The following GPBP1 variants were observed in gnomAD, a reference collection of about 807,000 sequenced individuals.
GPBP1 encodes vasculin.
Under a neutral mutation model 56.5 loss-of-function variants are expected in GPBP1, and 13 were observed. The observed-to-expected ratio is 0.23, with a 90% CI of 0.15 to 0.37. The LOEUF is 0.37. Ranked by LOEUF, GPBP1 falls within the 10% of genes least tolerant of loss-of-function variation. The pLI, the probability that GPBP1 is intolerant of heterozygous loss-of-function variation, is 1.00. For missense variants in GPBP1, 477 were observed against 572.3 expected, an observed-to-expected ratio of 0.83 and a Z score of 1.70; for synonymous variants, 204 against 188.9, an observed-to-expected ratio of 1.08 and a Z score of -0.66.
intron 10 of GPBP1, among the ~76,000 whole-genome samples, chr5:57,255,160 A>T (rs1457360089): frequency 6.6e-6 from 1 of 152,100 alleles, no homozygotes; most frequent in Non-Finnish European, 1.5e-5. Context: ...TTTTCCTGTG[A>T]TCAAGATTTA....
intron 3 of GPBP1, among the ~76,000 whole-genome samples, chr5:57,224,398 A>G (rs190311382): frequency 6.3e-4 from 95 of 151,312 alleles, no homozygotes; most frequent in African/African-American, 2.3e-3. Context: ...AGATGCCACC[A>G]TGCCCGGCTA....
At chr5:57,184,123 T>A (rs1168343248) in intron 2 of GPBP1, among the ~76,000 whole-genome samples, 1 of 151,920 alleles carries the variant, frequency 6.6e-6, no homozygotes, top group South Asian at 2.1e-4. Flanking sequence ...TCCCAGCTAC[T>A]TGGGAGGCTG....
intron 2 of GPBP1, among the ~76,000 whole-genome samples, chr5:57,178,321 C>T (rs1753887884): frequency 6.6e-6 from 1 of 152,174 alleles, no homozygotes; most frequent in South Asian, 2.1e-4. Context: ...AGTCTCGGCT[C>T]ACTGCAACCT....
At chr5:57,250,827 G>A (rs1741349489) in intron 9 of GPBP1, 127 bp from the exon 10 acceptor site, 2 of 637,940 alleles carry the variant, frequency 3.1e-6, no homozygotes, top group Non-Finnish European at 5.1e-6. Context: ...TTACAGGGGT[G>A]AGCCACTGCG....
At position 57,263,591 on chromosome 5, in the gene GPBP1, T is replaced by C. The variant is rs550583495; in HGVS notation, c.*839T>C. On this transcript the variant is annotated 3_prime_UTR_variant, in exon 12 of 12. Coordinates refer to ENST00000506184, the MANE Select transcript of GPBP1 (RefSeq NM_022913.4). ...AATAAACTGGATTTTCAGAATATTGTTGTTTTCTGTAGTGTTCAAGGTATT... is the reference window on the plus strand; with the variant it reads ...AATAAACTGGATTTTCAGAATATTGCTGTTTTCTGTAGTGTTCAAGGTATT... The C allele has an allele frequency of 6.6e-6, 1 of 152,330 alleles. No homozygotes were observed. The highest frequency in any genetic ancestry group is 1.5e-5 in the Non-Finnish European group (1 of 68,014). The allele number at this position is 152,330 out of a possible 1,614,324, so 9.4% of individuals were successfully genotyped here.
rs183838365 is a variant in GPBP1 at position 57,242,884 on chromosome 5, G to A, written c.479-3416G>A. The stretch of plus-strand genomic sequence containing the variant: ...TCTGCCTCGGCCTCCCGAGTAGCCG[G>A]GATTAGAGAGGCCTGCCACCACACC... On this transcript the variant is annotated intron_variant, in intron 6 of 11. Coordinates refer to ENST00000506184, the MANE Select transcript of GPBP1 (RefSeq NM_022913.4). Among the ~76,000 whole-genome samples the A allele has an allele frequency of 3.3e-3, 500 of 151,740 alleles. 2 individuals carry two copies. Among genetic ancestry groups the A allele is most frequent in the Non-Finnish European group, 5.2e-3 (354 of 67,962 alleles).
At chr5:57,191,116 T>C (rs1754507315) in intron 2 of GPBP1, among the ~76,000 whole-genome samples, 1 of 151,526 alleles carries the variant, frequency 6.6e-6, no homozygotes, top group Admixed American at 6.6e-5. Context: ...TTTTAAGGCA[T>C]TCTCCGTCAC....
intron 3 of GPBP1, among the ~76,000 whole-genome samples, chr5:57,229,941 G>GCGTCCCGTCC (rs112231997): frequency 0.065 from 9,569 of 146,112 alleles, 724 homozygotes; most frequent in African/African-American, 0.17. Flanking sequence ...GCATCGCATC[G>GCGTCCCGTCC]CGTCCCGTCC....
intron 3 of GPBP1, among the ~76,000 whole-genome samples, chr5:57,217,213 C>T (rs1005355039): frequency 2.0e-5 from 3 of 151,564 alleles, no homozygotes; most frequent in African/African-American, 7.3e-5. Context: ...TTTTTTTGGT[C>T]AAGTTATTTT....
At chr5:57,202,051 T>C (rs528990770) in intron 2 of GPBP1, among the ~76,000 whole-genome samples, 2 of 152,150 alleles carry the variant, frequency 1.3e-5, no homozygotes, top group South Asian at 4.1e-4. Flanking sequence ...TGGAGTGTAA[T>C]GGAGCGATCA....
chr5:57,214,296 A>G lies in GPBP1; in HGVS notation c.63+103A>G. The G allele has an allele frequency of 2.8e-6, 3 of 1,080,972 alleles. No individual in the cohort carries two copies. The South Asian group carries it at 3.8e-5, about 14-fold the overall frequency. The allele number at this position is 1,080,972 out of a possible 1,614,324, so 67.0% of individuals were successfully genotyped here. A position where few individuals can be genotyped will look rare whatever the true frequency, so the allele number is the denominator to read the frequency against. On this transcript the variant is annotated intron_variant, in intron 3 of 11. Transcript: ENST00000506184. Reference sequence around the variant, plus strand: ...AGTAATAATATCTTTGCAGAGAAGTACATTTGTGGCTGGGCGCGGTGGCTC... The same window carrying G: ...AGTAATAATATCTTTGCAGAGAAGTGCATTTGTGGCTGGGCGCGGTGGCTC...
chr5:57,249,592 G>C lies in GPBP1; in HGVS notation c.972+16G>C. ...CTCAGAGAAGGTAATTGAATTTATA[G>C]CAATACTTGATTTGACATTGATATG... On this transcript the variant is annotated intron_variant, in intron 9 of 11. Transcript: ENST00000506184. 6.3e-7 allele frequency: 1 copy of C among 1,584,634 alleles called. No homozygotes were observed. The highest frequency in any genetic ancestry group is 1.1e-5 in the South Asian group (1 of 87,730).
Position 57,220,163 on chromosome 5 carries a change from A to C in GPBP1, c.63+5970A>C, listed in dbSNP as rs1755893670. ...TTAAGATTGGTAATTTAAAAAATTA[A>C]AAAAAAAATAGAGACAGGGTCTCAC... On this transcript the variant is annotated intron_variant, in intron 3 of 11. Coordinates refer to ENST00000506184, the MANE Select transcript of GPBP1 (RefSeq NM_022913.4). 3.3e-5 allele frequency among the ~76,000 whole-genome samples: 5 copies of C among 151,150 alleles called. No homozygotes were observed. The South Asian group carries it at 1.0e-3, about 32-fold the overall frequency.
chr5:57,194,523 A>G (rs1754665464), intron 2 of GPBP1, among the ~76,000 whole-genome samples: 1 of 152,178 alleles, frequency 6.6e-6, no homozygotes, highest in Non-Finnish European at 1.5e-5. Flanking sequence ...AATTTTCTAT[A>G]TTAGGAACAT....
In GPBP1 at chr5:57,175,792, GT is replaced by G. The variant is rs377475626; in HGVS notation, c.-663del. ...GAGACGTTGATTTGTGTACTGAGTAGTTTCAGCAGTTTCAAATGACTGAGTA... is the reference window on the plus strand; with the variant it reads ...GAGACGTTGATTTGTGTACTGAGTAGTTCAGCAGTTTCAAATGACTGAGTA... On this transcript the variant is annotated 5_prime_UTR_variant, in exon 2 of 12. Transcript: ENST00000506184. 483 of 396,944 alleles carry G rather than the reference GT, an allele frequency of 1.2e-3. 6 individuals are homozygous for G. In the East Asian group the frequency reaches 0.015, roughly 13 times the overall value. The allele number at this position is 396,944 out of a possible 1,614,324, so 24.6% of individuals were successfully genotyped here.
chr5:57,217,301 G>A (rs761709660), intron 3 of GPBP1, among the ~76,000 whole-genome samples: 3 of 152,130 alleles, frequency 2.0e-5, no homozygotes, highest in Non-Finnish European at 2.9e-5. Context: ...GCCTGGGTGC[G>A]GTGGCTCACG....
chr5:57,262,664 C>T lies in GPBP1; in HGVS notation c.1334C>T (p.Pro445Leu), dbSNP rs766026442. ...NGLICDFKFG[P>L]WKNSTFKPTT... is the part of the protein sequence containing the mutation. ...TTGATCTGTGACTTCAAGTTTGGAC[C>T]GTGGAAGAACAGCACTTTCAAACCC... The change falls in exon 12 of 12, where the codon CCG (proline) becomes CTG (leucine). Residue 445 changes from proline to leucine, a missense_variant. Transcript: ENST00000506184. The T allele has an allele frequency of 2.5e-5, 41 of 1,613,072 alleles. No homozygotes were observed. Among genetic ancestry groups the T allele is most frequent in the Admixed American group, 1.2e-4 (7 of 59,958 alleles).
intron 3 of GPBP1, among the ~76,000 whole-genome samples, chr5:57,219,375 C>CAAA (rs869152603): frequency 2.8e-4 from 10 of 35,318 alleles, no homozygotes; most frequent in African/African-American, 6.8e-4. Flanking sequence ...GACTCTGTCT[C>CAAA]AAAAAAAAAA....
intron 2 of GPBP1, among the ~76,000 whole-genome samples, chr5:57,181,319 AG>A (rs1193960893): frequency 6.6e-6 from 1 of 152,024 alleles, no homozygotes; most frequent in East Asian, 1.9e-4. Flanking sequence ...TGGGTTGCAG[AG>A]TGACACCCTG....
Sources: allele counts gnomAD v4.1 joint callset (sites outside exome capture counted in the v4.1 genomes callset), GRCh38; gene constraint gnomAD v4.1.1; transcripts MANE v1.5; gene names NCBI Gene and HGNC (gene_info 2026-07-23, HGNC 2026-07-21).